SCN11A: variants seen among roughly 807,000 people sequenced by gnomAD.
SCN11A encodes the protein sodium channel protein type 11 subunit alpha.
Under a neutral mutation model 162.2 loss-of-function variants are expected in SCN11A, and 122 were observed. That is an observed-to-expected ratio of 0.75 (90% confidence interval 0.65 to 0.87). The LOEUF (loss-of-function observed/expected upper bound fraction) is 0.87, where lower values mean the gene tolerates loss of function less well. SCN11A is among the 40% of genes least tolerant of loss of function. The pLI is 0.00. For synonymous variants in SCN11A, 758 were observed against 751.5 expected, an observed-to-expected ratio of 1.01 and a Z score of -0.14; for missense variants, 2,015 against 2,181.6, an observed-to-expected ratio of 0.92 and a Z score of 1.52.
At chr3:38,926,977 GT>G (rs746548280) in intron 7 of SCN11A, 46 bp from the exon 8 acceptor site, 1 of 1,568,282 alleles carries the variant, frequency 6.4e-7, no homozygotes, top group Non-Finnish European at 8.7e-7. Context: ...GATAAACAAT[GT>G]GAAAAGCAAA....
chr3:38,920,335 T>C (rs1290587066), intron 10 of SCN11A, among the ~76,000 whole-genome samples: 2 of 151,936 alleles, frequency 1.3e-5, no homozygotes, highest in Non-Finnish European at 2.9e-5. Context: ...TGTAGTCACA[T>C]GAGATTCATG....
chr3:39,030,586 C>G (rs1337071732), intron 2 of SCN11A, among the ~76,000 whole-genome samples: 1 of 152,108 alleles, frequency 6.6e-6, no homozygotes, highest in African/African-American at 2.4e-5. Flanking sequence ...TGGCCAAGAG[C>G]TTGAAATTAT....
chr3:38,936,649 G>A (rs1395073230), intron 7 of SCN11A, among the ~76,000 whole-genome samples: 1 of 151,584 alleles, frequency 6.6e-6, no homozygotes, highest in Non-Finnish European at 1.5e-5. Context: ...AAATACCTAG[G>A]AATCCAACTT....
At chr3:39,032,564 G>C (rs1182379457) in intron 1 of SCN11A, among the ~76,000 whole-genome samples, 61 bp from the exon 2 acceptor site, 1 of 152,088 alleles carries the variant, frequency 6.6e-6, no homozygotes, top group Non-Finnish European at 1.5e-5. Flanking sequence ...CCTTTTCCAG[G>C]TTGTAAAAGC....
intron 28 of SCN11A, among the ~76,000 whole-genome samples, chr3:38,851,332 T>C (rs2064775078): frequency 6.6e-6 from 1 of 152,096 alleles, no homozygotes; most frequent in African/African-American, 2.4e-5. Flanking sequence ...ATAGATGAGA[T>C]TATAATCCAA....
Position 38,871,431 on chromosome 3 carries a change from C to T in SCN11A, c.3759+14G>A. 6.4e-7 allele frequency: 1 copy of T among 1,567,980 alleles called. No individual in the cohort carries two copies. Among genetic ancestry groups the T allele is most frequent in the Non-Finnish European group, 8.6e-7 (1 of 1,162,328 alleles). On this transcript the variant is annotated intron_variant, in intron 25 of 29. Transcript: ENST00000302328. ...TTTTCTCCTCAGAGTGAAAAACATACTGACTGTACTTACCACTTGCAGCAG... is the reference window on the plus strand; with the variant it reads ...TTTTCTCCTCAGAGTGAAAAACATATTGACTGTACTTACCACTTGCAGCAG...
chr3:38,998,093 G>T (rs970522214), intron 2 of SCN11A, among the ~76,000 whole-genome samples: 4 of 152,128 alleles, frequency 2.6e-5, no homozygotes, highest in Non-Finnish European at 5.9e-5. Context: ...AAGAAGTCTT[G>T]CTTTTTAAAC....
chr3:39,020,973 A>G (rs1455153491), intron 2 of SCN11A, among the ~76,000 whole-genome samples: 1 of 152,122 alleles, frequency 6.6e-6, no homozygotes, highest in Non-Finnish European at 1.5e-5. Context: ...GGGAGTGGGG[A>G]GGAACTATTG....
At chr3:39,051,059 T>C (rs995280500) in intron 1 of SCN11A, among the ~76,000 whole-genome samples, 5 of 152,074 alleles carry the variant, frequency 3.3e-5, no homozygotes, top group Admixed American at 6.5e-5. Flanking sequence ...ACTAGAATTG[T>C]CTCTGGGAAC....
intron 2 of SCN11A, among the ~76,000 whole-genome samples, chr3:39,007,932 G>C (rs2031021092): frequency 6.6e-6 from 1 of 152,194 alleles, no homozygotes; most frequent in Non-Finnish European, 1.5e-5. Context: ...ATTGGGGGCA[G>C]TCTTATGGGA....
chr3:38,925,647 C>T (rs1417896921), intron 8 of SCN11A, 138 bp from the exon 9 acceptor site: 3 of 627,968 alleles, frequency 4.8e-6, no homozygotes, highest in African/African-American at 1.8e-5. Context: ...CCTTTCCAGC[C>T]CCACCTTTAT....
chr3:39,011,829 A>G (rs1193311931), intron 2 of SCN11A, among the ~76,000 whole-genome samples: 2 of 152,232 alleles, frequency 1.3e-5, no homozygotes, highest in Non-Finnish European at 2.9e-5. Flanking sequence ...CCGTTAAATA[A>G]GAGGAGTGCA....
intron 7 of SCN11A, among the ~76,000 whole-genome samples, chr3:38,936,977 C>G (rs1413529539): frequency 1.3e-5 from 2 of 152,000 alleles, no homozygotes; most frequent in African/African-American, 2.4e-5. Context: ...AACTATACTA[C>G]AAGGCTACAG....
intron 3 of SCN11A, among the ~76,000 whole-genome samples, chr3:38,957,345 G>A (rs2066693959): frequency 6.6e-6 from 1 of 152,158 alleles, no homozygotes; most frequent in Admixed American, 6.5e-5. Context: ...TTATGTGCTT[G>A]TGTTACTTTT....
intron 2 of SCN11A, among the ~76,000 whole-genome samples, chr3:39,001,037 A>AAAAAAC (rs1164544102): frequency 1.3e-5 from 2 of 152,192 alleles, no homozygotes; most frequent in Non-Finnish European, 2.9e-5. Context: ...ACTCTGTCTC[A>AAAAAAC]AAAAACAAAA....
chr3:39,019,323 T>C lies in SCN11A; in HGVS notation c.-280+13057A>G, dbSNP rs1000329465. ...AGTGACTCAGTGCTCAGGAGAATCA[T>C]TTCCCACACCCTTTTGATTGCACCT... On this transcript the variant is annotated intron_variant, in intron 2 of 29. Transcript: ENST00000302328. Among the ~76,000 whole-genome samples, 7 of 152,180 alleles carry C rather than the reference T, an allele frequency of 4.6e-5. No homozygotes were observed. The South Asian group carries it at 1.5e-3, about 32-fold the overall frequency.
intron 2 of SCN11A, among the ~76,000 whole-genome samples, chr3:38,999,988 T>G (rs2030759228): frequency 6.6e-6 from 1 of 152,218 alleles, no homozygotes; most frequent in African/African-American, 2.4e-5. Flanking sequence ...GCATGCTGGC[T>G]GAGGAACTGA....
Position 38,925,584 on chromosome 3 carries a change from C to T in SCN11A, c.618-75G>A, listed in dbSNP as rs977288983. The T allele has an allele frequency of 1.7e-5, 17 of 1,019,608 alleles. No homozygotes were observed. In the Admixed American group the frequency reaches 3.1e-4, roughly 19 times the overall value. 63.2% of individuals were successfully genotyped at this position (1,019,608 alleles called of 1,614,324 possible). On this transcript the variant is annotated intron_variant, in intron 8 of 29. Coordinates refer to ENST00000302328, the MANE Select transcript of SCN11A (RefSeq NM_001349253.2). ...GCACTGCACATCTCCACAAAAGCCACAAGTAAGCTCAGCCTGAGGCCTGTG... is the reference window on the plus strand; with the variant it reads ...GCACTGCACATCTCCACAAAAGCCATAAGTAAGCTCAGCCTGAGGCCTGTG...
intron 2 of SCN11A, among the ~76,000 whole-genome samples, chr3:39,012,220 G>C (rs2125603048): frequency 6.6e-6 from 1 of 152,216 alleles, no homozygotes; most frequent in East Asian, 1.9e-4. Flanking sequence ...AGCTACTTGG[G>C]AGGCTGAGGC....
Sources: allele counts gnomAD v4.1 joint callset (sites outside exome capture counted in the v4.1 genomes callset), GRCh38; gene constraint gnomAD v4.1.1; transcripts MANE v1.5; gene names NCBI Gene and HGNC (gene_info 2026-07-23, HGNC 2026-07-21).